The following DCHS2 variants were observed in gnomAD, a reference collection of about 807,000 sequenced individuals.
The protein encoded by DCHS2 is dachsous cadherin-related 2, also known as protocadherin-23.
Under a neutral mutation model 182.4 loss-of-function variants are expected in DCHS2, and 142 were observed. The ratio of observed to expected loss-of-function variants is 0.78; its 90% confidence interval spans 0.68 to 0.89. DCHS2 has a LOEUF of 0.89. Among genes scored for constraint, DCHS2 ranks in the 40% least tolerant of loss-of-function variants. DCHS2 has a pLI of 0.00. For missense variants in DCHS2, 4,319 were observed against 4,198.6 expected (o/e 1.03, Z -0.79); for synonymous variants, 1,740 against 1,663.3 (o/e 1.05, Z -1.12).
intron 9 of DCHS2, among the ~76,000 whole-genome samples, chr4:154,319,656 T>TAAAAAAAAAAAAAAA (rs59154846): frequency 1.7e-5 from 2 of 116,942 alleles, no homozygotes; most frequent in African/African-American, 6.5e-5. Flanking sequence ...TGGCTGTTAC[T>TAAAAAAAAAAAAAAA]AAAAAAAAAA....
chr4:154,259,701 A>G lies in DCHS2; in HGVS notation c.6633T>C (p.Val2211=). 1 of 1,614,116 alleles carries G rather than the reference A, an allele frequency of 6.2e-7. No individual in the cohort carries two copies. The highest frequency in any genetic ancestry group is 8.5e-7 in the Non-Finnish European group (1 of 1,180,012). ...TACTTTCAGCTAAAACGATGAGTTG[A>G]ACCTCATTTCTGACTTCAAAATCAA... ...KFLDFEVRNE[V]QLIVLAESSG... Residue 2211 remains valine, a synonymous_variant, in exon 15 of 20, where the codon GTT becomes GTC. Coordinates refer to ENST00000357232, the MANE Select transcript of DCHS2 (RefSeq NM_001358235.2).
intron 10 of DCHS2, among the ~76,000 whole-genome samples, chr4:154,306,564 T>C (rs1261423908): frequency 1.3e-5 from 2 of 152,048 alleles, no homozygotes; most frequent in South Asian, 2.1e-4. Context: ...GAGAGAAATA[T>C]CAGGTGCCAA....
At position 154,384,462 on chromosome 4, in the gene DCHS2, C is replaced by T. The variant is rs772727817; in HGVS notation, c.2053-7018G>A. On this transcript the variant is annotated intron_variant, in intron 1 of 19. Transcript: ENST00000357232. ...CTCGGGACTACCTCTTTTCAATCCA[C>T]ACTGACTGCTTGTAGGGGACTGAAT... 3.9e-5 allele frequency: 62 copies of T among 1,596,868 alleles called. 1 individual carries two copies. The South Asian group carries it at 6.8e-4, about 18-fold the overall frequency.
intron 3 of DCHS2, among the ~76,000 whole-genome samples, chr4:154,339,836 T>C (rs947830227): frequency 7.2e-5 from 11 of 152,184 alleles, no homozygotes; most frequent in Admixed American, 4.6e-4. Context: ...CAGAACACTA[T>C]GTAAAGTTTG....
rs1444867068 is a variant in DCHS2, at chr4:154,458,879, T to G, written c.2052+30425A>C. ...GGTGCACACACAAATATTCCACAGA[T>G]GCATACACAGCAGAGTTAATCCCCA... On this transcript the variant is annotated intron_variant, in intron 1 of 19. Transcript: ENST00000357232. Among the ~76,000 whole-genome samples the G allele has an allele frequency of 6.6e-5, 10 of 152,272 alleles. No individual in the cohort carries two copies. In the East Asian group the frequency reaches 1.9e-3, roughly 29 times the overall value.
At chr4:154,286,789 G>A (rs1305728809) in intron 13 of DCHS2, among the ~76,000 whole-genome samples, 1 of 152,098 alleles carries the variant, frequency 6.6e-6, no homozygotes, top group African/African-American at 2.4e-5. Flanking sequence ...AGAGTACAAA[G>A]TTTATTCAAA....
Position 154,491,147 on chromosome 4 carries a change from G to A in DCHS2, c.209C>T (p.Thr70Ile). ...GGGAAGCCCCTCATCTACGGAAAGG[G>A]TGAGGTTGAACAACTGGGCAGAGGA... is the stretch of plus-strand genomic sequence containing the variant. ...SGSSAQLFNL[T>I]LSVDEGLPPD... The change falls in exon 1 of 20, where the codon ACC (threonine) becomes ATC (isoleucine). Residue 70 changes from threonine (T) to isoleucine (I), a missense_variant. Physicochemically the swap from Thr to Ile is moderately conservative, Grantham distance 89. Coordinates refer to ENST00000357232, the MANE Select transcript of DCHS2 (RefSeq NM_001358235.2). The A allele has an allele frequency of 1.3e-6, 2 of 1,551,432 alleles. No homozygotes were observed. Among genetic ancestry groups the A allele is most frequent in the East Asian group, 2.4e-5 (1 of 40,894 alleles).
chr4:154,391,024 C>T (rs931656780), intron 1 of DCHS2: 5 of 668,294 alleles, frequency 7.5e-6, no homozygotes, highest in Non-Finnish European at 1.2e-5. Context: ...ATGAGAGGAT[C>T]CTAGCTAAGT....
At chr4:154,291,603 G>C (rs1414386411) in intron 13 of DCHS2, among the ~76,000 whole-genome samples, 1 of 152,052 alleles carries the variant, frequency 6.6e-6, no homozygotes, top group African/African-American at 2.4e-5. Context: ...CAATAGAGTA[G>C]CATCCGGCCA....
intron 15 of DCHS2, 99 bp from the exon 16 acceptor site, chr4:154,255,769 C>G (rs771276461): frequency 7.8e-6 from 11 of 1,407,448 alleles, no homozygotes; most frequent in Non-Finnish European, 1.0e-5. Context: ...CACAGCTTGT[C>G]AAACATATTT....
chr4:154,408,507 T>C (rs533965508), intron 1 of DCHS2, among the ~76,000 whole-genome samples: 113 of 152,280 alleles, frequency 7.4e-4, no homozygotes, highest in South Asian at 7.2e-3. Context: ...AATTTAATAG[T>C]TTAAAGTTAA....
intron 1 of DCHS2, among the ~76,000 whole-genome samples, chr4:154,473,133 A>G (rs1403597906): frequency 6.6e-6 from 1 of 152,120 alleles, no homozygotes; most frequent in Admixed American, 6.5e-5. Flanking sequence ...TCATCTCTTC[A>G]GCTGCTGCTC....
At chr4:154,332,264 T>A (rs1421049870) in intron 5 of DCHS2, among the ~76,000 whole-genome samples, 4 of 152,230 alleles carry the variant, frequency 2.6e-5, no homozygotes, top group Non-Finnish European at 4.4e-5. Flanking sequence ...CAATTTTTAA[T>A]CCATTTTTAA....
chr4:154,482,693 C>A (rs2111039711), intron 1 of DCHS2, among the ~76,000 whole-genome samples: 1 of 152,216 alleles, frequency 6.6e-6, no homozygotes, highest in African/African-American at 2.4e-5. Context: ...GATTGAGAAT[C>A]CATGTCAGAG....
intron 1 of DCHS2, among the ~76,000 whole-genome samples, chr4:154,459,325 C>A (rs1252930749): frequency 2.0e-5 from 3 of 152,096 alleles, no homozygotes; most frequent in Non-Finnish European, 4.4e-5. Context: ...AGTGATAAAA[C>A]TCCTGCCTTC....
chr4:154,235,735 T>A lies in DCHS2; in HGVS notation c.8917A>T (p.Thr2973Ser), dbSNP rs201587539. The A allele has an allele frequency of 2.1e-4, 332 of 1,614,072 alleles. 1 individual carries two copies. Among genetic ancestry groups the A allele is most frequent in the Non-Finnish European group, 2.5e-4 (294 of 1,179,982 alleles). Reference sequence around the variant, plus strand: ...GAGAAAGACACATTCACAAAAACAGTGCAAGATGCAAACTTGGAATCTGAT... The same window carrying A: ...GAGAAAGACACATTCACAAAAACAGAGCAAGATGCAAACTTGGAATCTGAT... ...PKSDSKFASCTVFVNVSFSSE... is the reference protein window; with the variant it reads ...PKSDSKFASCSVFVNVSFSSE... Residue 2973 changes from threonine to serine, a missense_variant, in exon 20 of 20, where the codon ACT (threonine) becomes TCT (serine). Thr to Ser is a moderately conservative substitution (Grantham distance 58, BLOSUM62 1). Transcript: ENST00000357232.
chr4:154,397,096 G>C (rs900222120), intron 1 of DCHS2, among the ~76,000 whole-genome samples: 2 of 152,056 alleles, frequency 1.3e-5, no homozygotes, highest in African/African-American at 4.8e-5. Context: ...GAAGCACAGG[G>C]GCATGTAATA....
At chr4:154,322,579 A>G (rs2111339633) in intron 7 of DCHS2, 91 bp from the exon 8 acceptor site, 1 of 1,410,536 alleles carries the variant, frequency 7.1e-7, no homozygotes. Context: ...CATTTGGAAG[A>G]TTTGTTTGCT....
Position 154,322,389 on chromosome 4 carries a change from ACACT to A in DCHS2, c.4114_4117del (p.Val1373LeufsTer20). ...AGGCACTCCCTGGTCAGTGGCAATG[ACACT>A]CATTCTGTAGGAAGGTCTATAATCA... On this transcript the variant is annotated frameshift_variant, in exon 8 of 20. Transcript: ENST00000357232. LOFTEE classifies it high-confidence loss of function. 1 of 1,613,826 alleles carries A rather than the reference ACACT, an allele frequency of 6.2e-7. No homozygotes were observed. Among genetic ancestry groups the A allele is most frequent in the Non-Finnish European group, 8.5e-7 (1 of 1,179,856 alleles).
Sources: gnomAD v4.1 joint callset for allele counts (sites outside exome capture counted in the v4.1 genomes callset) on GRCh38, gnomAD v4.1.1 for gene constraint, MANE v1.5 for transcripts, NCBI Gene and HGNC (gene_info 2026-07-23, HGNC 2026-07-21) for gene names.